The following ATP13A5 variants were observed in gnomAD, a reference collection of about 807,000 sequenced individuals.
The protein encoded by ATP13A5 is ATPase 13A5.
ATP13A5 carries 149 observed loss-of-function variants against 150.2 expected under a neutral mutation model. The ratio of observed to expected loss-of-function variants is 0.99; its 90% CI spans 0.87 to 1.14. The LOEUF (loss-of-function observed/expected upper bound fraction) is 1.14. ATP13A5 is among the 50% of genes most tolerant of loss of function. ATP13A5 has a pLI of 0.00. For synonymous variants in ATP13A5, 497 were observed against 522.2 expected, an observed-to-expected ratio of 0.95 and a Z score of 0.66; for missense variants, 1,383 against 1,449.3, an observed-to-expected ratio of 0.95 and a Z score of 0.74.
At chr3:193,348,743 T>G (rs1376288168) in intron 7 of ATP13A5, among the ~76,000 whole-genome samples, 1 of 152,182 alleles carries the variant, frequency 6.6e-6, no homozygotes, top group Non-Finnish European at 1.5e-5. Context: ...TCAATGTAGC[T>G]CAACAGAATG....
intron 1 of ATP13A5, among the ~76,000 whole-genome samples, chr3:193,368,717 A>C (rs1389705673): frequency 2.0e-5 from 3 of 152,158 alleles, no homozygotes; most frequent in Non-Finnish European, 1.5e-5. Flanking sequence ...GAGCAAAACG[A>C]ATAGCACTGG....
At chr3:193,316,924 A>G (rs1719072535) in intron 17 of ATP13A5, among the ~76,000 whole-genome samples, 1 of 152,216 alleles carries the variant, frequency 6.6e-6, no homozygotes, top group Admixed American at 6.5e-5. Flanking sequence ...CCGTGAAACT[A>G]CTAGAGGAAA....
At chr3:193,367,256 A>T (rs1224732338) in intron 1 of ATP13A5, among the ~76,000 whole-genome samples, 1 of 152,212 alleles carries the variant, frequency 6.6e-6, no homozygotes, top group African/African-American at 2.4e-5. Flanking sequence ...AGCAAAGTCA[A>T]ATTGGTACCC....
chr3:193,292,767 T>A (rs1718021132), intron 25 of ATP13A5, among the ~76,000 whole-genome samples: 2 of 152,074 alleles, frequency 1.3e-5, no homozygotes, highest in Non-Finnish European at 2.9e-5. Context: ...ATGGGGAGAA[T>A]AACTGCCTGA....
At chr3:193,332,559 T>TG in intron 11 of ATP13A5, among the ~76,000 whole-genome samples, 1 of 152,346 alleles carries the variant, frequency 6.6e-6, no homozygotes, top group South Asian at 2.1e-4. Context: ...CCATAAATAC[T>TG]TTTTTAAGTA....
At chr3:193,316,507 T>C (rs535609937) in intron 17 of ATP13A5, among the ~76,000 whole-genome samples, 1 of 152,336 alleles carries the variant, frequency 6.6e-6, no homozygotes, top group East Asian at 1.9e-4. Flanking sequence ...TTGTTTCAAA[T>C]AGCCATCCTT....
Position 193,354,108 on chromosome 3 carries a change from AAG to A in ATP13A5, c.606+17_606+18del. On this transcript the variant is annotated intron_variant, in intron 6 of 29. Coordinates refer to ENST00000342358, the MANE Select transcript of ATP13A5 (RefSeq NM_198505.4). ...CAGAAATCTATTTTTTCAAAAAAAA[AAG>A]AAAAGAAAACAGTTACCTGTTTAAC... The A allele has an allele frequency of 6.3e-7, 1 of 1,587,832 alleles. No individual in the cohort carries two copies. Among genetic ancestry groups the A allele is most frequent in the Non-Finnish European group, 8.5e-7 (1 of 1,171,806 alleles).
rs186414528 is a variant in ATP13A5 at position 193,292,529 on chromosome 3, A to G, written c.2849-2470T>C. Among the ~76,000 whole-genome samples the G allele has an allele frequency of 2.6e-5, 4 of 152,276 alleles. No homozygotes were observed. The East Asian group carries it at 7.7e-4, about 29-fold the overall frequency. Reference sequence around the variant, plus strand: ...CAAAGAGATGTTAGCATAGACTTCAAGCATGCTTGCACAGCCGGGCTTGCC... The same window carrying G: ...CAAAGAGATGTTAGCATAGACTTCAGGCATGCTTGCACAGCCGGGCTTGCC... On this transcript the variant is annotated intron_variant, in intron 25 of 29. Coordinates refer to ENST00000342358, the MANE Select transcript of ATP13A5 (RefSeq NM_198505.4).
intron 9 of ATP13A5, among the ~76,000 whole-genome samples, chr3:193,339,004 T>C (rs201953874): frequency 3.9e-5 from 6 of 152,310 alleles, no homozygotes; most frequent in Non-Finnish European, 8.8e-5. Flanking sequence ...TCTTCTAGAT[T>C]TTCTAGTTTA....
intron 1 of ATP13A5, among the ~76,000 whole-genome samples, chr3:193,372,804 A>G (rs946225428): frequency 3.3e-5 from 5 of 152,250 alleles, no homozygotes; most frequent in Non-Finnish European, 7.3e-5. Context: ...GGTCTGTTAC[A>G]TTGCATCTTG....
chr3:193,284,845 G>C (rs1717649627), intron 27 of ATP13A5, 69 bp downstream of exon 27: 1 of 1,266,702 alleles, frequency 7.9e-7, no homozygotes, highest in African/African-American at 1.5e-5. Flanking sequence ...CACCAGTGAG[G>C]TACAACTCTA....
chr3:193,377,442 CA>C (rs1713682133), intron 1 of ATP13A5, among the ~76,000 whole-genome samples: 1 of 152,058 alleles, frequency 6.6e-6, no homozygotes, highest in African/African-American at 2.4e-5. Context: ...AATGTGTAAA[CA>C]ATATAAAAAT....
intron 21 of ATP13A5, 29 bp downstream of exon 21, chr3:193,310,609 A>G (rs1212481385): frequency 1.9e-6 from 3 of 1,545,778 alleles, no homozygotes; most frequent in Non-Finnish European, 2.6e-6. Context: ...GTTAATGAGC[A>G]CACTCTTCTT....
rs554148406 is a variant in ATP13A5 at position 193,291,442 on chromosome 3, A to AT, written c.2849-1384dup. ...TTGAAATGCCCTCAGTGATAGGAGT[A>AT]TTTTTCTTATGCACGGTGGGCTTTG... is the stretch of plus-strand genomic sequence containing the variant. On this transcript the variant is annotated intron_variant, in intron 25 of 29. Coordinates refer to ENST00000342358, the MANE Select transcript of ATP13A5 (RefSeq NM_198505.4). Among the ~76,000 whole-genome samples, 24 of 152,090 alleles carry AT rather than the reference A, an allele frequency of 1.6e-4. No homozygotes were observed. In the East Asian group the frequency reaches 4.7e-3, roughly 29 times the overall value.
intron 5 of ATP13A5, among the ~76,000 whole-genome samples, chr3:193,361,273 C>T (rs886873888): frequency 3.9e-5 from 6 of 152,156 alleles, no homozygotes; most frequent in Admixed American, 3.9e-4. Flanking sequence ...ATTTCTAAGG[C>T]ATTTTGCAAT....
intron 7 of ATP13A5, among the ~76,000 whole-genome samples, chr3:193,348,841 C>T (rs1712453591): frequency 6.6e-6 from 1 of 152,160 alleles, no homozygotes; most frequent in Non-Finnish European, 1.5e-5. Flanking sequence ...TCATGAGTCA[C>T]TTTGAGATTG....
intron 19 of ATP13A5, chr3:193,313,139 AGCACCAGAAATCT>A (rs1465007923): frequency 6.6e-6 from 1 of 152,256 alleles, no homozygotes; most frequent in African/African-American, 2.4e-5. Flanking sequence ...CAAGGAAATA[AGCACCAGAAATCT>A]GCTGAGAGCA....
chr3:193,367,084 T>A (rs901244027), intron 1 of ATP13A5, among the ~76,000 whole-genome samples: 6 of 151,986 alleles, frequency 3.9e-5, no homozygotes, highest in African/African-American at 1.4e-4. Context: ...TAGCTGCAAA[T>A]CTTAGTAAAG....
chr3:193,276,645 G>T (rs1717216370), intron 29 of ATP13A5, 105 bp downstream of exon 29: 1 of 762,404 alleles, frequency 1.3e-6, no homozygotes, highest in Non-Finnish European at 2.2e-6. Context: ...CTTAATAACT[G>T]TCATTTTGGG....
Sources: gnomAD v4.1 joint callset for allele counts (sites outside exome capture counted in the v4.1 genomes callset) on GRCh38, gnomAD v4.1.1 for gene constraint, MANE v1.5 for transcripts, NCBI Gene and HGNC (gene_info 2026-07-23, HGNC 2026-07-21) for gene names.